LDLRAD4: variants seen among roughly 807,000 people sequenced by gnomAD.
LDLRAD4 encodes the protein low-density lipoprotein receptor class A domain-containing protein 4.
Under a neutral mutation model 17.0 loss-of-function variants are expected in LDLRAD4, and 5 were observed. The ratio of observed to expected loss-of-function variants is 0.29; its 90% CI spans 0.15 to 0.62. The LOEUF is 0.62. Ranked by LOEUF, LDLRAD4 falls within the 20% of genes least tolerant of loss-of-function variation. The pLI is 0.84. For missense variants in LDLRAD4, 340 were observed against 424.7 expected, an observed-to-expected ratio of 0.80 and a Z score of 1.75; for synonymous variants, 168 against 171.8, an observed-to-expected ratio of 0.98 and a Z score of 0.17.
chr18:13,555,010 A>G (rs1220163762), intron 3 of LDLRAD4, among the ~76,000 whole-genome samples: 1 of 152,194 alleles, frequency 6.6e-6, no homozygotes, highest in Non-Finnish European at 1.5e-5. Context: ...CCAAACCCTT[A>G]AAGTTAGTCT....
chr18:13,229,301 C>A (rs1356385470), intron 1 of LDLRAD4, among the ~76,000 whole-genome samples: 1 of 152,228 alleles, frequency 6.6e-6, no homozygotes, highest in Non-Finnish European at 1.5e-5. Context: ...GAAGGCTGTG[C>A]AACCTGGGGA....
At chr18:13,497,584 C>T (rs974693925) in intron 3 of LDLRAD4, among the ~76,000 whole-genome samples, 13 of 152,088 alleles carry the variant, frequency 8.5e-5, no homozygotes, top group Admixed American at 7.9e-4. Flanking sequence ...TATTTTTAAC[C>T]CTTTTTAATT....
intron 3 of LDLRAD4, among the ~76,000 whole-genome samples, chr18:13,551,853 C>T (rs2094438272): frequency 6.6e-6 from 1 of 152,144 alleles, no homozygotes; most frequent in Non-Finnish European, 1.5e-5. Flanking sequence ...CATGGTTCTG[C>T]AGGCTGTACA....
chr18:13,306,570 G>A (rs762974064), intron 1 of LDLRAD4, among the ~76,000 whole-genome samples: 1 of 152,098 alleles, frequency 6.6e-6, no homozygotes, highest in African/African-American at 2.4e-5. Context: ...CATTACACAC[G>A]GCGTTCTATG....
chr18:13,564,453 G>A (rs1601413967), intron 3 of LDLRAD4, among the ~76,000 whole-genome samples: 1 of 152,132 alleles, frequency 6.6e-6, no homozygotes, highest in East Asian at 1.9e-4. Context: ...GGTGGGGCTT[G>A]CTTGTCTTTC....
At chr18:13,321,109 G>A (rs1010178478) in intron 1 of LDLRAD4, among the ~76,000 whole-genome samples, 3 of 152,130 alleles carry the variant, frequency 2.0e-5, no homozygotes, top group African/African-American at 4.8e-5. Flanking sequence ...GGTTAACTTC[G>A]GCCCGAGCAT....
chr18:13,573,905 T>C (rs1350530822), intron 3 of LDLRAD4, among the ~76,000 whole-genome samples: 2 of 152,184 alleles, frequency 1.3e-5, no homozygotes, highest in Non-Finnish European at 2.9e-5. Flanking sequence ...GCGCTCCTTC[T>C]CCTGTTCCCA....
At chr18:13,390,981 TCTGC>T (rs2086232952) in intron 2 of LDLRAD4, among the ~76,000 whole-genome samples, 1 of 152,198 alleles carries the variant, frequency 6.6e-6, no homozygotes, top group Non-Finnish European at 1.5e-5. Flanking sequence ...GCTGACACAC[TCTGC>T]CTGCCCAGGC....
At chr18:13,264,510 G>C (rs867593899) in intron 1 of LDLRAD4, among the ~76,000 whole-genome samples, 1 of 152,360 alleles carries the variant, frequency 6.6e-6, no homozygotes, top group Middle Eastern at 3.4e-3. Flanking sequence ...ATGGGGAGTT[G>C]ACTTCTCTGT....
intron 3 of LDLRAD4, among the ~76,000 whole-genome samples, chr18:13,536,869 T>G (rs2094207654): frequency 6.6e-6 from 1 of 152,208 alleles, no homozygotes; most frequent in Admixed American, 6.5e-5. Flanking sequence ...TTTCTGCATC[T>G]ATTGAAATGA....
intron 3 of LDLRAD4, among the ~76,000 whole-genome samples, chr18:13,589,831 T>A (rs1255310202): frequency 1.3e-5 from 2 of 151,946 alleles, no homozygotes; most frequent in Non-Finnish European, 2.9e-5. Context: ...GAGAGGTGAA[T>A]GCAGGGAGGG....
In LDLRAD4 at chr18:13,399,473, A is replaced by T. The variant is rs192986332; in HGVS notation, c.40+11711A>T. 5.3e-5 allele frequency among the ~76,000 whole-genome samples: 8 copies of T among 152,344 alleles called. No homozygotes were observed. The East Asian group carries it at 1.5e-3, about 29-fold the overall frequency. On this transcript the variant is annotated intron_variant, in intron 2 of 5. Transcript: ENST00000359446. ...TAAAGCACTTGCAACGAAGCCAGACACATGTGTAAACATGCAATAAATAGT... is the reference window on the plus strand; with the variant it reads ...TAAAGCACTTGCAACGAAGCCAGACTCATGTGTAAACATGCAATAAATAGT...
At chr18:13,565,902 G>A (rs62084792) in intron 3 of LDLRAD4, among the ~76,000 whole-genome samples, 2,101 of 152,344 alleles carry the variant, frequency 0.014, 21 homozygotes, top group Non-Finnish European at 0.023. Context: ...TTGATCAAAC[G>A]TGGCTCTGAA....
intron 1 of LDLRAD4, among the ~76,000 whole-genome samples, chr18:13,226,304 A>G (rs1452915625): frequency 6.7e-6 from 1 of 148,968 alleles, no homozygotes; most frequent in African/African-American, 2.5e-5. Context: ...TACAGGCGTG[A>G]GCCCCTGTGC....
intron 3 of LDLRAD4, among the ~76,000 whole-genome samples, chr18:13,570,078 T>C (rs2094665586): frequency 6.6e-6 from 1 of 152,152 alleles, no homozygotes; most frequent in Admixed American, 6.5e-5. Context: ...TTTTTCTTCT[T>C]TTTGACAAAA....
At chr18:13,516,400 T>C (rs2093867229) in intron 3 of LDLRAD4, among the ~76,000 whole-genome samples, 1 of 152,218 alleles carries the variant, frequency 6.6e-6, no homozygotes, top group South Asian at 2.1e-4. Flanking sequence ...CACACACCTG[T>C]ATTTGTTCAG....
intron 3 of LDLRAD4, among the ~76,000 whole-genome samples, chr18:13,499,781 C>T (rs1418367475): frequency 6.6e-6 from 1 of 152,262 alleles, no homozygotes; most frequent in Non-Finnish European, 1.5e-5. Flanking sequence ...GAGAATCCAT[C>T]TCCACACACG....
chr18:13,226,179 G>GTTTTTTTTTTTTT (rs1243883704), intron 1 of LDLRAD4, among the ~76,000 whole-genome samples: 38 of 11,456 alleles, frequency 3.3e-3, no homozygotes, highest in Admixed American at 5.8e-3. Context: ...GCCATGCCTT[G>GTTTTTTTTTTTTT]CTTTTTTTTT....
At chr18:13,591,606 C>G (rs1299849325) in intron 3 of LDLRAD4, among the ~76,000 whole-genome samples, 1 of 152,208 alleles carries the variant, frequency 6.6e-6, no homozygotes, top group Non-Finnish European at 1.5e-5. Flanking sequence ...TTAACAGATA[C>G]TAGGTCTACC....
Sources: allele counts gnomAD v4.1 joint callset (sites outside exome capture counted in the v4.1 genomes callset), GRCh38; gene constraint gnomAD v4.1.1; transcripts MANE v1.5; gene names NCBI Gene and HGNC (gene_info 2026-07-23, HGNC 2026-07-21).